Variants in CACNA2D3 observed in about 807,000 individuals in gnomAD.
CACNA2D3 encodes voltage-dependent calcium channel subunit alpha-2/delta-3.
In CACNA2D3, 60 loss-of-function variants were observed where a neutral mutation model predicts 160.6. The observed-to-expected ratio is 0.37, with a 90% confidence interval of 0.30 to 0.46. CACNA2D3 has a LOEUF of 0.46. Ranked by LOEUF, CACNA2D3 falls within the 20% of genes least tolerant of loss-of-function variation. CACNA2D3 has a pLI of 1.00. For synonymous variants in CACNA2D3, 558 were observed against 492.9 expected (o/e 1.13, Z -1.75); for missense variants, 1,205 against 1,365.0 (o/e 0.88, Z 1.85).
chr3:54,442,760 C>T (rs1225052216), intron 4 of CACNA2D3, among the ~76,000 whole-genome samples: 1 of 152,158 alleles, frequency 6.6e-6, no homozygotes, highest in Non-Finnish European at 1.5e-5. Flanking sequence ...ATCTAGGTGT[C>T]CATTCAATAT....
chr3:54,209,832 G>A (rs964205203), intron 2 of CACNA2D3, among the ~76,000 whole-genome samples: 1 of 152,134 alleles, frequency 6.6e-6, no homozygotes, highest in African/African-American at 2.4e-5. Flanking sequence ...TAAATTTTCT[G>A]TGCTCTTTTT....
chr3:54,720,086 A>G (rs1701141983), intron 11 of CACNA2D3, among the ~76,000 whole-genome samples: 1 of 151,944 alleles, frequency 6.6e-6, no homozygotes, highest in Non-Finnish European at 1.5e-5. Flanking sequence ...GATTTTCAAG[A>G]AGTAACTTTT....
chr3:54,493,244 A>G (rs1701145445), intron 4 of CACNA2D3, among the ~76,000 whole-genome samples: 1 of 151,622 alleles, frequency 6.6e-6, no homozygotes, highest in Non-Finnish European at 1.5e-5. Flanking sequence ...CACCCGGCTA[A>G]TTTTTGTATT....
intron 3 of CACNA2D3, among the ~76,000 whole-genome samples, chr3:54,345,756 C>T (rs369108207): frequency 4.9e-4 from 74 of 152,240 alleles, no homozygotes; most frequent in African/African-American, 1.7e-3. Flanking sequence ...CCACTGGCCT[C>T]TACCTTTGCT....
At chr3:54,155,923 A>G (rs938876382) in intron 2 of CACNA2D3, among the ~76,000 whole-genome samples, 1 of 152,208 alleles carries the variant, frequency 6.6e-6, no homozygotes, top group Non-Finnish European at 1.5e-5. Flanking sequence ...GATGCATAGA[A>G]TGTCACTTTT....
chr3:54,547,454 T>C (rs1460999567), intron 5 of CACNA2D3, among the ~76,000 whole-genome samples: 1 of 152,084 alleles, frequency 6.6e-6, no homozygotes, highest in African/African-American at 2.4e-5. Context: ...ACAGATGATA[T>C]TGCCCACTTC....
chr3:55,019,110 T>TCTTTCTTTCTTTCTTTCTTTCTTTC (rs368979475), intron 35 of CACNA2D3, among the ~76,000 whole-genome samples: 10 of 151,650 alleles, frequency 6.6e-5, no homozygotes, highest in African/African-American at 2.2e-4. Context: ...TTTCTTTCTT[T>TCTTTCTTTCTTTCTTTCTTTCTTTC]TTTTAATAAG....
intron 2 of CACNA2D3, among the ~76,000 whole-genome samples, chr3:54,187,869 C>T (rs558384602): frequency 1.3e-5 from 2 of 152,236 alleles, no homozygotes; most frequent in African/African-American, 4.8e-5. Flanking sequence ...TGGTAATGCT[C>T]ACTTGCCCCT....
chr3:54,665,007 C>T (rs1480433729), intron 11 of CACNA2D3, among the ~76,000 whole-genome samples: 1 of 152,162 alleles, frequency 6.6e-6, no homozygotes, highest in Non-Finnish European at 1.5e-5. Context: ...ACCATTGTTC[C>T]AGCCAGAAAT....
intron 11 of CACNA2D3, among the ~76,000 whole-genome samples, chr3:54,658,771 A>AT (rs1699917795): frequency 6.6e-6 from 1 of 151,994 alleles, no homozygotes; most frequent in Non-Finnish European, 1.5e-5. Context: ...GGTACCAAAG[A>AT]TCCCCCCAAA....
intron 3 of CACNA2D3, among the ~76,000 whole-genome samples, chr3:54,360,837 A>G (rs1331105887): frequency 6.6e-6 from 1 of 152,194 alleles, no homozygotes; most frequent in East Asian, 1.9e-4. Flanking sequence ...CCCAGAAGAC[A>G]GATTTATATG....
intron 14 of CACNA2D3, among the ~76,000 whole-genome samples, chr3:54,836,214 C>CTTTT (rs763110798): frequency 1.0e-5 from 1 of 98,000 alleles, no homozygotes. Flanking sequence ...AAGGGCCATT[C>CTTTT]TTTTTTTTTT....
In CACNA2D3 at chr3:54,612,358, T is replaced by C. The variant is rs139590541; in HGVS notation, c.964-15429T>C. ...GCTGTTGCACTGACATTAATCATTT[T>C]TTTTAGACTCATAATCATAGTCTAC... On this transcript the variant is annotated intron_variant, in intron 9 of 37. Transcript: ENST00000474759. 4.6e-3 allele frequency among the ~76,000 whole-genome samples: 706 copies of C among 152,332 alleles called. 7 individuals carry two copies. Among genetic ancestry groups the C allele is most frequent in the African/African-American group, 0.016 (664 of 41,578 alleles).
intron 14 of CACNA2D3, among the ~76,000 whole-genome samples, chr3:54,818,006 A>C (rs2106715714): frequency 6.6e-6 from 1 of 151,390 alleles, no homozygotes; most frequent in Non-Finnish European, 1.5e-5. Flanking sequence ...TTGATAGGAC[A>C]TGCTTTCTTA....
At chr3:54,680,310 C>G (rs1252970149) in intron 11 of CACNA2D3, among the ~76,000 whole-genome samples, 2 of 152,156 alleles carry the variant, frequency 1.3e-5, no homozygotes, top group Admixed American at 6.5e-5. Flanking sequence ...CCTTTTTATT[C>G]TAAGGTTTTG....
chr3:55,036,766 G>A (rs1393725900), intron 35 of CACNA2D3, among the ~76,000 whole-genome samples: 7 of 152,230 alleles, frequency 4.6e-5, no homozygotes, highest in East Asian at 1.9e-4. Context: ...GCGCTCGGCC[G>A]TGTTTTATTT....
In CACNA2D3 at chr3:55,043,192, T is replaced by C. The variant is rs771589096; in HGVS notation, c.2987+24875T>C. ...AGAAGAAAGTAACCTCCAAACTGTT[T>C]TACATAGTATCTGTACCATTTTGCC... On this transcript the variant is annotated intron_variant, in intron 35 of 37. Coordinates refer to ENST00000474759, the MANE Select transcript of CACNA2D3 (RefSeq NM_018398.3). Among the ~76,000 whole-genome samples, 4 of 152,282 alleles carry C rather than the reference T, an allele frequency of 2.6e-5. No homozygotes were observed. The Middle Eastern group carries it at 0.01, about 388-fold the overall frequency.
chr3:54,838,594 GGTTGGCACAGATGTCCCA>G lies in CACNA2D3; in HGVS notation c.1500_1517del (p.Gly501_Val506del). On this transcript the variant is annotated inframe_deletion, in exon 16 of 38. Transcript: ENST00000474759. ...GATCGAAGGGCATTCTTCTGGGAGTGGTTGGCACAGATGTCCCAGTGAAAGAACTTCTGAAGACCATCC... is the reference window on the plus strand; with the variant it reads ...GATCGAAGGGCATTCTTCTGGGAGTGGTGAAAGAACTTCTGAAGACCATCC... 1 of 1,613,610 alleles carries G rather than the reference GGTTGGCACAGATGTCCCA, an allele frequency of 6.2e-7. No homozygotes were observed. Among genetic ancestry groups the G allele is most frequent in the Non-Finnish European group, 8.5e-7 (1 of 1,179,574 alleles).
At chr3:54,167,229 A>T (rs934989165) in intron 2 of CACNA2D3, among the ~76,000 whole-genome samples, 1 of 152,156 alleles carries the variant, frequency 6.6e-6, no homozygotes, top group Non-Finnish European at 1.5e-5. Flanking sequence ...GGGTGTTTAG[A>T]TATTCCCAAA....
Sources: allele counts gnomAD v4.1 joint callset (sites outside exome capture counted in the v4.1 genomes callset), GRCh38; gene constraint gnomAD v4.1.1; transcripts MANE v1.5; gene names NCBI Gene and HGNC (gene_info 2026-07-23, HGNC 2026-07-21).